MON2: variants seen among roughly 807,000 people sequenced by gnomAD.
The protein encoded by MON2 is protein MON2 homolog.
Under a neutral mutation model 208.6 loss-of-function variants are expected in MON2, and 84 were observed. The observed-to-expected ratio is 0.40, with a 90% CI of 0.34 to 0.48. The LOEUF (loss-of-function observed/expected upper bound fraction) is 0.48. Among genes scored for constraint, MON2 ranks in the 20% least tolerant of loss-of-function variants. The pLI is 0.59. For missense variants in MON2, 1,611 were observed against 2,015.4 expected (o/e 0.80, Z 3.84); for synonymous variants, 660 against 694.0 (o/e 0.95, Z 0.77).
intron 24 of MON2, among the ~76,000 whole-genome samples, chr12:62,553,754 A>G (rs1436810249): frequency 6.6e-6 from 1 of 152,172 alleles, no homozygotes; most frequent in Non-Finnish European, 1.5e-5. Flanking sequence ...TCAGCAGTTT[A>G]TTAGTGATCA....
At chr12:62,506,945 G>C (rs774934119) in intron 7 of MON2, among the ~76,000 whole-genome samples, 7 of 152,136 alleles carry the variant, frequency 4.6e-5, no homozygotes, top group Non-Finnish European at 1.0e-4. Context: ...AGTGAAATGG[G>C]ATTACTCTTG....
intron 7 of MON2, among the ~76,000 whole-genome samples, chr12:62,507,804 TG>T (rs2071182902): frequency 6.6e-6 from 1 of 152,214 alleles, no homozygotes; most frequent in Admixed American, 6.5e-5. Context: ...CATCTTGCTC[TG>T]TTACCCAGAC....
chr12:62,569,985 G>T (rs1312602927), intron 29 of MON2, among the ~76,000 whole-genome samples: 2 of 152,098 alleles, frequency 1.3e-5, no homozygotes, highest in African/African-American at 4.8e-5. Context: ...AAATTTTTAC[G>T]TAACAGCAGA....
intron 8 of MON2, among the ~76,000 whole-genome samples, chr12:62,515,441 T>C (rs2071635125): frequency 6.6e-6 from 1 of 152,204 alleles, no homozygotes; most frequent in African/African-American, 2.4e-5. Context: ...GAAAATGGAA[T>C]GGTCGTTGCC....
At chr12:62,516,968 A>G (rs1434793317) in intron 8 of MON2, among the ~76,000 whole-genome samples, 1 of 152,234 alleles carries the variant, frequency 6.6e-6, no homozygotes, top group Non-Finnish European at 1.5e-5. Context: ...GAAAGTCAAC[A>G]GGATAGGAGG....
At chr12:62,486,180 T>TA (rs1291887876) in intron 2 of MON2, among the ~76,000 whole-genome samples, 1 of 152,068 alleles carries the variant, frequency 6.6e-6, no homozygotes, top group Non-Finnish European at 1.5e-5. Flanking sequence ...TCATTGTTGA[T>TA]ACCGTGGTAA....
At position 62,578,470 on chromosome 12, in the gene MON2, C is replaced by A. The variant is rs1416975404; in HGVS notation, c.4540C>A (p.Gln1514Lys). 1 of 1,472,356 alleles carries A rather than the reference C, an allele frequency of 6.8e-7. No individual in the cohort carries two copies. Among genetic ancestry groups the A allele is most frequent in the African/African-American group, 1.5e-5 (1 of 68,822 alleles). The allele number at this position is 1,472,356 out of a possible 1,614,324, so 91.2% of individuals were successfully genotyped here. A position where few individuals can be genotyped will look rare whatever the true frequency, so the allele number is the denominator to read the frequency against. ...KSIPPDNLSIQEFQRNENIDV... is the reference protein window; with the variant it reads ...KSIPPDNLSIKEFQRNENIDV... ...CATACCTCCAGATAATCTCTCTATT[C>A]AAGAGTTTCAAAGAAATGAAAATAT... Residue 1514 changes from glutamine (Q) to lysine (K), a missense_variant, in exon 31 of 35, where the codon CAA becomes AAA. Coordinates refer to ENST00000393630, the MANE Select transcript of MON2 (RefSeq NM_015026.3).
chr12:62,592,657 T>C lies in MON2; in HGVS notation c.5062T>C (p.Ser1688Pro). 1 of 1,612,200 alleles carries C rather than the reference T, an allele frequency of 6.2e-7. No individual in the cohort carries two copies. Among genetic ancestry groups the C allele is most frequent in the African/African-American group, 1.3e-5 (1 of 75,010 alleles). Residue 1688 changes from serine to proline, a missense_variant, in exon 35 of 35, where the codon TCA becomes CCA. Ser to Pro is a moderately conservative substitution (Grantham distance 74, BLOSUM62 -1). Transcript: ENST00000393630. ...TLVECITCSS[S>P]EVCSALKEAL... ...AGTAGAATGCATCACCTGTTCTTCTTCAGAAGTCTGTTCTGCACTTAAAGA... is the reference window on the plus strand; with the variant it reads ...AGTAGAATGCATCACCTGTTCTTCTCCAGAAGTCTGTTCTGCACTTAAAGA...
At chr12:62,553,195 C>T in intron 24 of MON2, 21 bp downstream of exon 24, 1 of 1,600,772 alleles carries the variant, frequency 6.2e-7, no homozygotes, top group Non-Finnish European at 8.6e-7. Flanking sequence ...ATAGATTGGA[C>T]TATCAGCTTT....
At chr12:62,543,966 G>A (rs987186284) in intron 20 of MON2, among the ~76,000 whole-genome samples, 1 of 152,146 alleles carries the variant, frequency 6.6e-6, no homozygotes, top group Non-Finnish European at 1.5e-5. Flanking sequence ...ACTAACTATA[G>A]ATAGTGCTGG....
chr12:62,468,998 G>A (rs938937436), intron 1 of MON2, among the ~76,000 whole-genome samples: 3 of 152,084 alleles, frequency 2.0e-5, no homozygotes, highest in African/African-American at 7.2e-5. Flanking sequence ...GCCCAGGCTG[G>A]AGTGCAGTGG....
At chr12:62,492,422 A>G (rs1175668817) in intron 2 of MON2, among the ~76,000 whole-genome samples, 1 of 128,622 alleles carries the variant, frequency 7.8e-6, no homozygotes, top group Non-Finnish European at 1.5e-5. Context: ...CGGACTGCGG[A>G]CTGCGGTGGC....
intron 19 of MON2, among the ~76,000 whole-genome samples, chr12:62,540,199 A>G (rs976586330): frequency 3.3e-5 from 5 of 152,180 alleles, no homozygotes; most frequent in Admixed American, 2.6e-4. Flanking sequence ...TACTGTGTAC[A>G]TGACGATCTG....
chr12:62,484,017 T>A (rs1285342030), intron 1 of MON2, among the ~76,000 whole-genome samples, 153 bp from the exon 2 acceptor site: 1 of 152,240 alleles, frequency 6.6e-6, no homozygotes, highest in Non-Finnish European at 1.5e-5. Context: ...ATGTCACTAC[T>A]GGGCTTAGTA....
chr12:62,529,386 A>G (rs2072507809), intron 11 of MON2, among the ~76,000 whole-genome samples: 1 of 152,164 alleles, frequency 6.6e-6, no homozygotes, highest in African/African-American at 2.4e-5. Context: ...GTCCCAGGCT[A>G]AGAGTATTTG....
At chr12:62,474,338 G>T (rs976959344) in intron 1 of MON2, among the ~76,000 whole-genome samples, 1 of 151,350 alleles carries the variant, frequency 6.6e-6, no homozygotes, top group South Asian at 2.1e-4. Context: ...GGCTGGTCTC[G>T]AACTCCTGAC....
At chr12:62,499,109 A>T (rs1442507883) in intron 5 of MON2, 61 bp downstream of exon 5, 5 of 1,565,762 alleles carry the variant, frequency 3.2e-6, no homozygotes, top group Non-Finnish European at 4.3e-6. Context: ...ATTTGTATTA[A>T]CTTTCGGCCT....
At chr12:62,510,635 T>C (rs61921914) in intron 8 of MON2, among the ~76,000 whole-genome samples, 19,280 of 152,166 alleles carry the variant, frequency 0.13, 1,345 homozygotes, top group East Asian at 0.27. Context: ...CTAAACTACC[T>C]TAACCCAATA....
intron 1 of MON2, among the ~76,000 whole-genome samples, chr12:62,483,676 A>G (rs573780798): frequency 3.3e-5 from 5 of 152,328 alleles, no homozygotes; most frequent in Admixed American, 1.3e-4. Context: ...AGATCGTGCC[A>G]TTGGACTCCA....
Sources: allele counts gnomAD v4.1 joint callset (sites outside exome capture counted in the v4.1 genomes callset), GRCh38; gene constraint gnomAD v4.1.1; transcripts MANE v1.5; gene names NCBI Gene and HGNC (gene_info 2026-07-23, HGNC 2026-07-21).